ADAMTS3: variants seen among roughly 807,000 people sequenced by gnomAD.
ADAMTS3 encodes ADAM metallopeptidase with thrombospondin type 1 motif 3.
In ADAMTS3, 73 loss-of-function variants were observed where a neutral mutation model predicts 129.0. The observed-to-expected ratio is 0.57, with a 90% CI of 0.47 to 0.69. The LOEUF is 0.69. Ranked by LOEUF, ADAMTS3 falls within the 30% of genes least tolerant of loss-of-function variation. ADAMTS3 has a pLI of 0.00. For missense variants in ADAMTS3, 1,457 were observed against 1,514.5 expected (o/e 0.96, Z 0.63); for synonymous variants, 477 against 510.8 (o/e 0.93, Z 0.89).
chr4:72,455,948 C>CAGTGTATATACTATATATATTTTATATAT (rs1718558818), intron 3 of ADAMTS3, among the ~76,000 whole-genome samples: 1 of 73,878 alleles, frequency 1.4e-5, no homozygotes, highest in African/African-American at 6.2e-5. Flanking sequence ...AGTATATATA[C>CAGTGTATATACTATATATATTTTATATAT]AGTATATATA....
At chr4:72,435,459 A>AT (rs1195515814) in intron 3 of ADAMTS3, among the ~76,000 whole-genome samples, 1 of 151,874 alleles carries the variant, frequency 6.6e-6, no homozygotes, top group African/African-American at 2.4e-5. Context: ...CTGAACATGT[A>AT]TTTTTTTAAA....
At chr4:72,390,561 T>C (rs1281708706) in intron 4 of ADAMTS3, among the ~76,000 whole-genome samples, 2 of 152,190 alleles carry the variant, frequency 1.3e-5, no homozygotes, top group Middle Eastern at 3.2e-3. Context: ...TCTCATACTT[T>C]ATGAAAACAT....
Position 72,341,483 on chromosome 4 carries a change from A to T in ADAMTS3, c.662-1790T>A, listed in dbSNP as rs980413017. ...TTAAGAGACGACTACACCTGCAAAT[A>T]GCTTTACCATTCAACCTCAAGTCTT... On this transcript the variant is annotated intron_variant, in intron 4 of 21. Transcript: ENST00000286657. 3.3e-5 allele frequency among the ~76,000 whole-genome samples: 5 copies of T among 152,214 alleles called. No homozygotes were observed. In the East Asian group the frequency reaches 9.6e-4, roughly 29 times the overall value.
intron 3 of ADAMTS3, among the ~76,000 whole-genome samples, chr4:72,467,886 A>T (rs1257811112): frequency 2.0e-5 from 3 of 152,056 alleles, no homozygotes; most frequent in Non-Finnish European, 2.9e-5. Context: ...AGTGCCTACC[A>T]TCCTACAGCA....
At chr4:72,324,673 C>T (rs1409367718) in intron 5 of ADAMTS3, among the ~76,000 whole-genome samples, 1 of 152,118 alleles carries the variant, frequency 6.6e-6, no homozygotes, top group Non-Finnish European at 1.5e-5. Flanking sequence ...ATCTGCAATA[C>T]AATCTTGGAT....
chr4:72,310,043 T>C lies in ADAMTS3; in HGVS notation c.2056-523A>G, dbSNP rs891144463. Reference sequence around the variant, plus strand: ...GAGTTACAACAAAGCCAGAGAAGTATGTTCATGGAAAGTGGGTGCAGAGGT... The same window carrying C: ...GAGTTACAACAAAGCCAGAGAAGTACGTTCATGGAAAGTGGGTGCAGAGGT... On this transcript the variant is annotated intron_variant, in intron 14 of 21. Transcript: ENST00000286657. 3.9e-5 allele frequency among the ~76,000 whole-genome samples: 6 copies of C among 152,148 alleles called. No individual in the cohort carries two copies. In the East Asian group the frequency reaches 7.7e-4, roughly 20 times the overall value.
At chr4:72,403,594 AATC>A (rs146996590) in intron 4 of ADAMTS3, among the ~76,000 whole-genome samples, 6,798 of 152,116 alleles carry the variant, frequency 0.045, 171 homozygotes, top group Non-Finnish European at 0.052. Context: ...ATAAGTGAAA[AATC>A]ATGTGGTAAG....
chr4:72,367,706 C>T (rs1156645646), intron 4 of ADAMTS3, among the ~76,000 whole-genome samples: 5 of 152,020 alleles, frequency 3.3e-5, no homozygotes, highest in South Asian at 4.2e-4. Flanking sequence ...AAAGATTAGC[C>T]GGGCGTGGCG....
At chr4:72,360,471 T>G (rs548025625) in intron 4 of ADAMTS3, among the ~76,000 whole-genome samples, 108 of 152,220 alleles carry the variant, frequency 7.1e-4, no homozygotes, top group Middle Eastern at 3.4e-3. Context: ...ACAAGTAAAC[T>G]TATTTGTTTT....
In ADAMTS3 at chr4:72,499,371, A is replaced by C. The variant is rs184289625; in HGVS notation, c.504+49107T>G. On this transcript the variant is annotated intron_variant, in intron 3 of 21. Transcript: ENST00000286657. ...TGGATCAGAAGCTAAACAGTACATC[A>C]GAAGGAAAAGCTTATTTCAGCAGGA... 1.8e-4 allele frequency among the ~76,000 whole-genome samples: 27 copies of C among 152,294 alleles called. No homozygotes were observed. In the East Asian group the frequency reaches 4.6e-3, roughly 26 times the overall value.
At chr4:72,391,386 GA>G (rs149153612) in intron 4 of ADAMTS3, among the ~76,000 whole-genome samples, 6,866 of 152,232 alleles carry the variant, frequency 0.045, 173 homozygotes, top group Non-Finnish European at 0.053. Context: ...TTTGGCAAAA[GA>G]AATGGCATTC....
chr4:72,472,533 G>A (rs1466824720), intron 3 of ADAMTS3, among the ~76,000 whole-genome samples: 1 of 151,934 alleles, frequency 6.6e-6, no homozygotes, highest in Non-Finnish European at 1.5e-5. Flanking sequence ...TAACCTACTA[G>A]TCCATGTTAT....
intron 3 of ADAMTS3, among the ~76,000 whole-genome samples, chr4:72,476,222 A>C (rs977930507): frequency 2.0e-5 from 3 of 152,078 alleles, no homozygotes; most frequent in Non-Finnish European, 2.9e-5. Context: ...AACTGAAAAA[A>C]TATCTAGCAA....
chr4:72,445,119 T>C (rs1481181240), intron 3 of ADAMTS3, among the ~76,000 whole-genome samples: 1 of 151,596 alleles, frequency 6.6e-6, no homozygotes, highest in African/African-American at 2.4e-5. Context: ...TGCTTTAAAA[T>C]TGATTTTGTT....
intron 3 of ADAMTS3, among the ~76,000 whole-genome samples, chr4:72,515,327 T>C (rs1369577757): frequency 6.6e-6 from 1 of 151,352 alleles, no homozygotes; most frequent in East Asian, 1.9e-4. Flanking sequence ...GCAGCATGAT[T>C]TATAGTCCTT....
rs573151296 is a variant in ADAMTS3 at position 72,481,584 on chromosome 4, C to T, written c.505-66613G>A. ...CAGATTTAAATGTAAGTCATAAAATCATAAGACTTTTAGAAAAAAACATAG... is the reference window on the plus strand; with the variant it reads ...CAGATTTAAATGTAAGTCATAAAATTATAAGACTTTTAGAAAAAAACATAG... On this transcript the variant is annotated intron_variant, in intron 3 of 21. Coordinates refer to ENST00000286657, the MANE Select transcript of ADAMTS3 (RefSeq NM_014243.3). Among the ~76,000 whole-genome samples the T allele has an allele frequency of 1.2e-4, 19 of 152,102 alleles. 1 individual carries two copies. Among genetic ancestry groups the T allele is most frequent in the South Asian group, 8.3e-4 (4 of 4,826 alleles).
Position 72,339,538 on chromosome 4 carries a change from C to T in ADAMTS3, c.817G>A (p.Gly273Ser). 1 of 1,613,898 alleles carries T rather than the reference C, an allele frequency of 6.2e-7. No homozygotes were observed. The highest frequency in any genetic ancestry group is 8.5e-7 in the Non-Finnish European group (1 of 1,179,858). The change falls in exon 5 of 22, where the codon GGC becomes AGC. Residue 273 changes from glycine to serine, a missense_variant. Physicochemically the swap from Gly to Ser is moderately conservative, Grantham distance 56. Transcript: ENST00000286657. ...GVDDSVVRFH[G>S]KEHVQNYLLT... ...AGGTAGTTTTGGACGTGCTCTTTGC[C>T]ATGGAAACGGACCACAGAGTCATCC... is the stretch of plus-strand genomic sequence containing the variant.
At chr4:72,541,292 T>G (rs989103614) in intron 3 of ADAMTS3, among the ~76,000 whole-genome samples, 5 of 152,186 alleles carry the variant, frequency 3.3e-5, no homozygotes, top group African/African-American at 2.4e-5. Flanking sequence ...TTTTGGCCAG[T>G]TTCTCCCACT....
intron 3 of ADAMTS3, among the ~76,000 whole-genome samples, chr4:72,420,649 T>C (rs1722420670): frequency 6.6e-6 from 1 of 152,190 alleles, no homozygotes; most frequent in African/African-American, 2.4e-5. Flanking sequence ...GTTCAGCTTG[T>C]TCAACTATTT....
Sources: gnomAD v4.1 joint callset for allele counts (sites outside exome capture counted in the v4.1 genomes callset) on GRCh38, gnomAD v4.1.1 for gene constraint, MANE v1.5 for transcripts, NCBI Gene and HGNC (gene_info 2026-07-23, HGNC 2026-07-21) for gene names.